CPEB2: variants seen among roughly 807,000 people sequenced by gnomAD.
CPEB2 encodes cytoplasmic polyadenylation element-binding protein 2.
CPEB2 carries 56 observed loss-of-function variants against 93.6 expected under a neutral mutation model. That is an observed-to-expected ratio of 0.60 (90% CI 0.48 to 0.75). CPEB2 has a LOEUF of 0.75. CPEB2 is among the 30% of genes least tolerant of loss of function. The pLI, the probability that CPEB2 is intolerant of heterozygous loss-of-function variation, is 0.00. For missense variants in CPEB2, 1,579 were observed against 1,395.1 expected (o/e 1.13, Z -2.10); for synonymous variants, 764 against 586.3 (o/e 1.30, Z -4.38).
intron 6 of CPEB2, among the ~76,000 whole-genome samples, chr4:15,045,312 C>T (rs990279226): frequency 6.6e-6 from 1 of 152,018 alleles, no homozygotes; most frequent in South Asian, 2.1e-4. Flanking sequence ...CTTCAATTTG[C>T]CTTTCATTCA....
intron 5 of CPEB2, among the ~76,000 whole-genome samples, chr4:15,038,085 A>G (rs1726812438): frequency 6.6e-6 from 1 of 152,188 alleles, no homozygotes; most frequent in Non-Finnish European, 1.5e-5. Flanking sequence ...AGTCAGTTCT[A>G]TTTTTGGTAA....
intron 5 of CPEB2, among the ~76,000 whole-genome samples, chr4:15,035,384 C>T (rs1726509857): frequency 6.6e-6 from 1 of 152,058 alleles, no homozygotes; most frequent in South Asian, 2.1e-4. Context: ...TAGAGATTAG[C>T]ATACTGCCTG....
chr4:15,065,861 A>G (rs1366992719), intron 11 of CPEB2, among the ~76,000 whole-genome samples: 1 of 152,070 alleles, frequency 6.6e-6, no homozygotes, highest in East Asian at 1.9e-4. Context: ...ACTACTTGAT[A>G]TCTCTTTTGT....
At position 15,003,049 on chromosome 4, in the gene CPEB2, G is replaced by A; in HGVS notation, c.376G>A (p.Gly126Ser). ...EKLPDHHPGGGTIAGVTHLLP... is the reference protein window; with the variant it reads ...EKLPDHHPGGSTIAGVTHLLP... Reference sequence around the variant, plus strand: ...ACTCCCCGACCACCACCCCGGCGGCGGCACGATCGCGGGTGTGACCCACCT... The same window carrying A: ...ACTCCCCGACCACCACCCCGGCGGCAGCACGATCGCGGGTGTGACCCACCT... The change falls in exon 1 of 12, where the codon GGC (glycine) becomes AGC (serine). Residue 126 changes from glycine to serine, a missense_variant. Coordinates refer to ENST00000538197, the MANE Select transcript of CPEB2 (RefSeq NM_001177382.2). 2.0e-6 allele frequency: 3 copies of A among 1,513,572 alleles called. No homozygotes were observed. The highest frequency in any genetic ancestry group is 2.6e-6 in the Non-Finnish European group (3 of 1,139,952). The allele number at this position is 1,513,572 out of a possible 1,614,324, so 93.8% of individuals were successfully genotyped here.
intron 6 of CPEB2, among the ~76,000 whole-genome samples, chr4:15,047,475 C>T (rs1483856569): frequency 6.6e-6 from 1 of 151,928 alleles, no homozygotes; most frequent in Non-Finnish European, 1.5e-5. Context: ...TCTTACATAT[C>T]TTGTGTTAAG....
At chr4:15,058,666 G>T in intron 9 of CPEB2, 127 bp downstream of exon 9, 1 of 638,080 alleles carries the variant, frequency 1.6e-6, no homozygotes, top group South Asian at 1.9e-5. Flanking sequence ...GAAACATCCA[G>T]ATAATTTATA....
chr4:15,053,962 A>C (rs1215888295), intron 7 of CPEB2, among the ~76,000 whole-genome samples, 166 bp from the exon 8 acceptor site: 1 of 152,176 alleles, frequency 6.6e-6, no homozygotes, highest in Admixed American at 6.5e-5. Context: ...TAATCTTGAC[A>C]TATTATTTTA....
At chr4:15,006,740 A>C (rs1722862498) in intron 1 of CPEB2, among the ~76,000 whole-genome samples, 1 of 152,216 alleles carries the variant, frequency 6.6e-6, no homozygotes, top group South Asian at 2.1e-4. Flanking sequence ...TTAAATAAAC[A>C]ATGCAGAAAA....
rs754575778 is a variant in CPEB2, at chr4:15,003,012, G to A, written c.339G>A (p.Ala113=). Residue 113 remains alanine (A), a synonymous_variant, in exon 1 of 12, where the codon GCG becomes GCA. Transcript: ENST00000538197. ...CGGCGCGGCCGCTTTCGGGGGCGGC[G>A]GCCACGGAGAAACTCCCCGACCACC... The part of the protein sequence containing the change: ...QQPARPLSGA[A]ATEKLPDHHP... 8.0e-4 allele frequency: 1,196 copies of A among 1,495,316 alleles called. 1 individual carries two copies. Among genetic ancestry groups the A allele is most frequent in the Non-Finnish European group, 1.0e-3 (1,164 of 1,134,216 alleles). The allele number at this position is 1,495,316 out of a possible 1,614,324, so 92.6% of individuals were successfully genotyped here.
chr4:15,020,889 T>C (rs1408321807), intron 4 of CPEB2, among the ~76,000 whole-genome samples: 1 of 152,088 alleles, frequency 6.6e-6, no homozygotes, highest in East Asian at 1.9e-4. Flanking sequence ...TTTAGAGAGA[T>C]TATAAATGGA....
chr4:15,049,917 C>G (rs1244510780), intron 6 of CPEB2, among the ~76,000 whole-genome samples: 1 of 152,170 alleles, frequency 6.6e-6, no homozygotes, highest in Admixed American at 6.5e-5. Context: ...CTTCTTGTCC[C>G]CAACCCATTC....
intron 3 of CPEB2, among the ~76,000 whole-genome samples, chr4:15,015,648 G>A (rs1388750501): frequency 6.6e-6 from 1 of 151,950 alleles, no homozygotes; most frequent in Non-Finnish European, 1.5e-5. Context: ...TCTCTGGATT[G>A]TGGACTCCTG....
At position 15,004,262 on chromosome 4, in the gene CPEB2, C is replaced by T. The variant is rs1722469250; in HGVS notation, c.1589C>T (p.Pro530Leu). Residue 530 changes from proline (P) to leucine (L), a missense_variant, in exon 1 of 12, where the codon CCG becomes CTG. By Grantham distance (98) the Pro-to-Leu change is moderately conservative. Around this residue, in one of 2 missense-constraint regions of CPEB2, gnomAD observed 1,411 missense variants for 1,056.0 expected, o/e 1.34. Transcript: ENST00000538197. ...CAGAGCCGGAGGTCGCCCGTCAGCC[C>T]GCAGCTCCAGCAGCAGCACCAGGCG... ...QPQSRRSPVS[P>L]QLQQQHQAAA... The T allele has an allele frequency of 2.0e-6, 3 of 1,495,324 alleles. No individual in the cohort carries two copies. Among genetic ancestry groups the T allele is most frequent in the Admixed American group, 2.2e-5 (1 of 45,592 alleles). The allele number at this position is 1,495,324 out of a possible 1,614,324, so 92.6% of individuals were successfully genotyped here.
chr4:15,009,986 G>A (rs1723270282), intron 3 of CPEB2, among the ~76,000 whole-genome samples: 1 of 152,168 alleles, frequency 6.6e-6, no homozygotes, highest in Admixed American at 6.5e-5. Context: ...AATGATTTTG[G>A]TGCTTAAAGA....
At chr4:15,037,022 C>T (rs547479603) in intron 5 of CPEB2, among the ~76,000 whole-genome samples, 1 of 152,040 alleles carries the variant, frequency 6.6e-6, no homozygotes, top group East Asian at 1.9e-4. Context: ...TCATTTAGGG[C>T]CCGGGCGCAA....
chr4:15,035,256 C>T (rs1726496208), intron 5 of CPEB2, among the ~76,000 whole-genome samples: 1 of 151,732 alleles, frequency 6.6e-6, no homozygotes, highest in Non-Finnish European at 1.5e-5. Context: ...ATAGTGGTTG[C>T]TAACATAGAT....
intron 5 of CPEB2, among the ~76,000 whole-genome samples, chr4:15,039,713 T>A (rs1246503257): frequency 6.6e-6 from 1 of 152,038 alleles, no homozygotes; most frequent in East Asian, 1.9e-4. Flanking sequence ...TAGATAGAAA[T>A]GCCTATATAC....
chr4:15,048,736 G>T lies in CPEB2; in HGVS notation c.2201-3678G>T, dbSNP rs1727949458. On this transcript the variant is annotated intron_variant, in intron 6 of 11. Coordinates refer to ENST00000538197, the MANE Select transcript of CPEB2 (RefSeq NM_001177382.2). The stretch of plus-strand genomic sequence containing the variant: ...TGAGCCTGGCTTTTGCTGCATTCCA[G>T]CAAAATGAATTTGTTGTGTTTCATT... Among the ~76,000 whole-genome samples, 3 of 151,906 alleles carry T rather than the reference G, an allele frequency of 2.0e-5. No individual in the cohort carries two copies. The South Asian group carries it at 6.2e-4, about 32-fold the overall frequency.
intron 6 of CPEB2, among the ~76,000 whole-genome samples, chr4:15,043,399 A>G (rs1727368802): frequency 6.6e-6 from 1 of 152,172 alleles, no homozygotes; most frequent in Non-Finnish European, 1.5e-5. Context: ...GTAGCCATAA[A>G]GAGTTCTACT....
Sources: allele counts gnomAD v4.1 joint callset (sites outside exome capture counted in the v4.1 genomes callset), GRCh38; gene constraint gnomAD v4.1.1; regional missense constraint gnomAD v4.1.1; transcripts MANE v1.5; gene names NCBI Gene and HGNC (gene_info 2026-07-23, HGNC 2026-07-21).